The following WDR73 variants were observed in gnomAD, a reference collection of about 807,000 sequenced individuals.
WDR73 encodes WD repeat domain 73, also known as integrator complex assembly factor WDR73.
A neutral mutation model predicts 38.2 loss-of-function variants in WDR73; 30 were observed. The ratio of observed to expected loss-of-function variants is 0.79; its 90% CI spans 0.59 to 1.06. The LOEUF (loss-of-function observed/expected upper bound fraction) is 1.06, where lower values mean the gene tolerates loss of function less well. Ranked by LOEUF, WDR73 falls within the 50% of genes least tolerant of loss-of-function variation. The pLI is 0.00. For missense variants in WDR73, 487 were observed against 467.0 expected (o/e 1.04, Z -0.40); for synonymous variants, 197 against 176.0 (o/e 1.12, Z -0.94).
In WDR73 at chr15:84,654,233, C is replaced by G. The variant is rs371794750; in HGVS notation, c.41+1G>C. 5.8e-5 allele frequency: 93 copies of G among 1,613,854 alleles called. No individual in the cohort carries two copies. The highest frequency in any genetic ancestry group is 6.8e-5 in the Non-Finnish European group (80 of 1,179,830). ...CCATGTCCCAGCCCCGTACGATTTA[C>G]AAGCGCAAGGATTCCACCAGCCAGT... On this transcript the variant is annotated splice_donor_variant, in intron 1 of 7. Transcript: ENST00000434634. LOFTEE classifies it high-confidence loss of function.
rs1461350549 is a variant in WDR73 at position 84,641,365 on chromosome 15, T to A, written c.*2105A>T. The A allele has an allele frequency of 6.6e-6, 1 of 152,208 alleles. No homozygotes were observed. Among genetic ancestry groups the A allele is most frequent in the Non-Finnish European group, 1.5e-5 (1 of 68,044 alleles). The allele number at this position is 152,208 out of a possible 1,614,324, so 9.4% of individuals were successfully genotyped here. ...TTAAGGGCTGAGGGGAACCAGGCAC[T>A]CAGTGCACCCAGTTTACTATTCTGT... On this transcript the variant is annotated 3_prime_UTR_variant, in exon 8 of 8. Transcript: ENST00000434634.
At chr15:84,647,682 G>T (rs1896505406) in intron 5 of WDR73, 1 of 572,516 alleles carries the variant, frequency 1.7e-6, no homozygotes, top group Non-Finnish European at 3.2e-6. Context: ...ATTTTTAATA[G>T]AGACAGGTTT....
intron 7 of WDR73, 34 bp downstream of exon 7, chr15:84,645,437 T>C: frequency 6.2e-7 from 1 of 1,608,144 alleles, no homozygotes; most frequent in South Asian, 1.1e-5. Context: ...AAGAAAGAGA[T>C]CAGATAACAA....
At chr15:84,645,442 TAAC>T in intron 7 of WDR73, 26 bp downstream of exon 7, 1 of 1,609,248 alleles carries the variant, frequency 6.2e-7, no homozygotes, top group Non-Finnish European at 8.5e-7. Flanking sequence ...AGAGATCAGA[TAAC>T]AAGACGAAAT....
intron 2 of WDR73, 76 bp from the exon 3 acceptor site, chr15:84,652,878 T>C (rs1896667767): frequency 1.2e-6 from 1 of 866,322 alleles, no homozygotes; most frequent in Non-Finnish European, 1.8e-6. Flanking sequence ...GAAGTAAGGA[T>C]ACATTCCTTC....
At chr15:84,645,032 G>C (rs1253091283) in intron 7 of WDR73, 1 of 223,570 alleles carries the variant, frequency 4.5e-6, no homozygotes, top group Non-Finnish European at 8.4e-6. Flanking sequence ...CTCACTGCAA[G>C]CTCCGCCTCC....
chr15:84,654,269 A>C lies in WDR73; in HGVS notation c.6T>G (p.Asp2Glu), dbSNP rs780924737. Reference protein sequence around the residue: MDPGDDWLVESL... With the variant: MEPGDDWLVESL... Reference sequence around the variant, plus strand: ...ATTCCACCAGCCAGTCGTCCCCAGGATCCATGGCAACGACCGCTTCCGGCG... The same window carrying C: ...ATTCCACCAGCCAGTCGTCCCCAGGCTCCATGGCAACGACCGCTTCCGGCG... The change falls in exon 1 of 8, where the codon GAT becomes GAG. Residue 2 changes from aspartate (D) to glutamate (E), a missense_variant. By Grantham distance (45) the Asp-to-Glu change is conservative. Transcript: ENST00000434634. 2.5e-6 allele frequency: 4 copies of C among 1,613,750 alleles called. No homozygotes were observed. In the African/African-American group the frequency reaches 5.3e-5, roughly 22 times the overall value.
At position 84,654,238 on chromosome 15, in the gene WDR73, G is replaced by C. The variant is rs746368445; in HGVS notation, c.37C>G (p.Arg13Gly). 4 of 1,613,804 alleles carry C rather than the reference G, an allele frequency of 2.5e-6. No individual in the cohort carries two copies. The highest frequency in any genetic ancestry group is 3.4e-6 in the Non-Finnish European group (4 of 1,179,828). ...TCCCAGCCCCGTACGATTTACAAGC[G>C]CAAGGATTCCACCAGCCAGTCGTCC... ...PGDDWLVESL[R>G]LYQDFYAFDL... Residue 13 changes from arginine to glycine, a missense_variant, in exon 1 of 8, where the codon CGC becomes GGC. Physicochemically the swap from Arg to Gly is moderately radical, Grantham distance 125. Coordinates refer to ENST00000434634, the MANE Select transcript of WDR73 (RefSeq NM_032856.5).
chr15:84,647,813 G>A (rs1896509163), intron 5 of WDR73, 77 bp downstream of exon 5: 1 of 1,416,150 alleles, frequency 7.1e-7, no homozygotes, highest in Admixed American at 1.7e-5. Context: ...CTTCTTAACT[G>A]GCTCAGATTA....
At chr15:84,654,140 G>T in intron 1 of WDR73, 94 bp downstream of exon 1, 1 of 1,551,796 alleles carries the variant, frequency 6.4e-7, no homozygotes, top group Non-Finnish European at 8.9e-7. Context: ...GGCCCACTCT[G>T]CACCAGGATC....
intron 5 of WDR73, 165 bp from the exon 6 acceptor site, chr15:84,646,513 A>AT: frequency 9.5e-7 from 1 of 1,054,242 alleles, no homozygotes; most frequent in Non-Finnish European, 1.3e-6. Flanking sequence ...TTATGTTTAC[A>AT]TTTTTGAAAC....
At position 84,643,379 on chromosome 15, in the gene WDR73, G is replaced by A. The variant is rs1380877899; in HGVS notation, c.*91C>T. The A allele has an allele frequency of 6.8e-7, 1 of 1,460,208 alleles. No homozygotes were observed. The highest frequency in any genetic ancestry group is 9.2e-7 in the Non-Finnish European group (1 of 1,089,580). The allele number at this position is 1,460,208 out of a possible 1,614,324, so 90.5% of individuals were successfully genotyped here. ...CCCAAGGCCACACAGCTGGTAACAG[G>A]GACTGGTAGTCACTTGAGTCCTACA... is the stretch of plus-strand genomic sequence containing the variant. On this transcript the variant is annotated 3_prime_UTR_variant, in exon 8 of 8. Coordinates refer to ENST00000434634, the MANE Select transcript of WDR73 (RefSeq NM_032856.5).
At chr15:84,645,299 A>C in intron 7 of WDR73, 172 bp downstream of exon 7, 1 of 1,507,314 alleles carries the variant, frequency 6.6e-7, no homozygotes, top group Non-Finnish European at 8.9e-7. Context: ...TTTAGTAGCC[A>C]GGGTAGGAAA....
Position 84,643,473 on chromosome 15 carries a change from G to A in WDR73, c.1134C>T (p.Arg378=). Residue 378 remains arginine, a synonymous_variant, in exon 8 of 8, where the codon CGC becomes CGT. Coordinates refer to ENST00000434634, the MANE Select transcript of WDR73 (RefSeq NM_032856.5). The part of the protein sequence containing the change: ...VWDWVDLCAP[R] Reference sequence around the variant, plus strand: ...CCTAGATGGAAAGATGCTGGTGTCAGCGGGGGGCACAAAGGTCCACCCAGT... The same window carrying A: ...CCTAGATGGAAAGATGCTGGTGTCAACGGGGGGCACAAAGGTCCACCCAGT... The A allele has an allele frequency of 6.4e-7, 1 of 1,553,778 alleles. No individual in the cohort carries two copies. Among genetic ancestry groups the A allele is most frequent in the East Asian group, 2.4e-5 (1 of 41,182 alleles).
chr15:84,648,720 G>C, intron 3 of WDR73, 95 bp from the exon 4 acceptor site: 1 of 969,390 alleles, frequency 1.0e-6, no homozygotes, highest in Non-Finnish European at 1.6e-6. Flanking sequence ...CCTGGCAGGA[G>C]GCCATGGAAG....
rs1262775571 is a variant in WDR73, at chr15:84,642,475, G to T, written c.*995C>A. ...AGAGTGAACAACTTATCTATTTTGTGTGTGTGTGTGTAACAGGGTCTCATT... is the reference window on the plus strand; with the variant it reads ...AGAGTGAACAACTTATCTATTTTGTTTGTGTGTGTGTAACAGGGTCTCATT... On this transcript the variant is annotated 3_prime_UTR_variant, in exon 8 of 8. Coordinates refer to ENST00000434634, the MANE Select transcript of WDR73 (RefSeq NM_032856.5). The T allele has an allele frequency of 1.3e-5, 2 of 152,026 alleles. No homozygotes were observed. The highest frequency in any genetic ancestry group is 2.9e-5 in the Non-Finnish European group (2 of 68,014). 9.4% of individuals were successfully genotyped at this position (152,026 alleles called of 1,614,324 possible).
chr15:84,650,385 G>A lies in WDR73; in HGVS notation c.199-1760C>T, dbSNP rs542578804. ...TTTTTCTTTTTCTTTTTTTTGAGACGGAGTCTCACTCTGTCACCCAGGCTG... is the reference window on the plus strand; with the variant it reads ...TTTTTCTTTTTCTTTTTTTTGAGACAGAGTCTCACTCTGTCACCCAGGCTG... On this transcript the variant is annotated intron_variant, in intron 3 of 7. Coordinates refer to ENST00000434634, the MANE Select transcript of WDR73 (RefSeq NM_032856.5). Among the ~76,000 whole-genome samples, 175 of 150,222 alleles carry A rather than the reference G, an allele frequency of 1.2e-3. 1 individual carries two copies. The highest frequency in any genetic ancestry group is 4.0e-3 in the African/African-American group (162 of 40,674).
rs1896217191 is a variant in WDR73, at chr15:84,640,250, T to A, written c.*3220A>T. On this transcript the variant is annotated 3_prime_UTR_variant, in exon 8 of 8. Transcript: ENST00000434634. ...AGCATTCAGGCTCAGAATCAGGAGA[T>A]GTGATTATTGTCCTGGCTCTGTTAT... 6.6e-6 allele frequency: 1 copy of A among 152,096 alleles called. No individual in the cohort carries two copies. Among genetic ancestry groups the A allele is most frequent in the Non-Finnish European group, 1.5e-5 (1 of 68,020 alleles). 9.4% of individuals were successfully genotyped at this position (152,096 alleles called of 1,614,324 possible).
In WDR73 at chr15:84,643,428, G is replaced by T; in HGVS notation, c.*42C>A. 6.5e-7 allele frequency: 1 copy of T among 1,544,660 alleles called. No homozygotes were observed. Among genetic ancestry groups the T allele is most frequent in the Non-Finnish European group, 8.7e-7 (1 of 1,143,568 alleles). On this transcript the variant is annotated 3_prime_UTR_variant, in exon 8 of 8. Transcript: ENST00000434634. Reference sequence around the variant, plus strand: ...CATGAGCACCCTTGCTACTACAGCAGCTCCTCCCCTTTCTAGAGGCCTAGA... The same window carrying T: ...CATGAGCACCCTTGCTACTACAGCATCTCCTCCCCTTTCTAGAGGCCTAGA...
Sources: gnomAD v4.1 joint callset for allele counts (sites outside exome capture counted in the v4.1 genomes callset) on GRCh38, gnomAD v4.1.1 for gene constraint, MANE v1.5 for transcripts, NCBI Gene and HGNC (gene_info 2026-07-23, HGNC 2026-07-21) for gene names.